The following ODAD2 variants were observed in gnomAD, a reference collection of about 807,000 sequenced individuals.
ODAD2 encodes outer dynein arm docking complex subunit 2, also known as outer dynein arm-docking complex subunit 2.
In ODAD2, 89 loss-of-function variants were observed where a neutral mutation model predicts 106.8. That is an observed-to-expected ratio of 0.83 (90% CI 0.70 to 0.99). The LOEUF (loss-of-function observed/expected upper bound fraction) is 0.99. Ranked by LOEUF, ODAD2 falls within the 50% of genes least tolerant of loss-of-function variation. The pLI, the probability that ODAD2 is intolerant of heterozygous loss-of-function variation, is 0.00. For synonymous variants in ODAD2, 404 were observed against 436.2 expected, an observed-to-expected ratio of 0.93 and a Z score of 0.92; for missense variants, 1,168 against 1,238.5, an observed-to-expected ratio of 0.94 and a Z score of 0.85.
intron 19 of ODAD2, among the ~76,000 whole-genome samples, chr10:27,832,396 C>A (rs1837543737): frequency 6.6e-6 from 1 of 152,066 alleles, no homozygotes; most frequent in African/African-American, 2.4e-5. Context: ...TAGTGCCAAC[C>A]CTAGAAGCAT....
At chr10:27,974,178 C>T (rs190849940) in intron 7 of ODAD2, among the ~76,000 whole-genome samples, 2 of 151,936 alleles carry the variant, frequency 1.3e-5, no homozygotes, top group Non-Finnish European at 2.9e-5. Flanking sequence ...GGATATTAAA[C>T]CTTTGTCAGA....
At chr10:27,843,781 CA>C (rs1446286643) in intron 19 of ODAD2, among the ~76,000 whole-genome samples, 1 of 151,728 alleles carries the variant, frequency 6.6e-6, no homozygotes, top group East Asian at 1.9e-4. Flanking sequence ...AAAAACAAAA[CA>C]AAAAACTTAG....
intron 19 of ODAD2, among the ~76,000 whole-genome samples, chr10:27,812,894 T>C (rs1226374561): frequency 2.0e-5 from 3 of 152,178 alleles, no homozygotes; most frequent in Admixed American, 6.5e-5. Flanking sequence ...TGGGTCTGCT[T>C]CTGAAATTTC....
At chr10:27,907,809 T>C (rs1440246329) in intron 16 of ODAD2, 32 bp from the exon 17 acceptor site, 1 of 1,376,610 alleles carries the variant, frequency 7.3e-7, no homozygotes, top group Non-Finnish European at 1.0e-6. Context: ...TGATATAAAC[T>C]GTCATTAGTA....
intron 10 of ODAD2, among the ~76,000 whole-genome samples, chr10:27,950,530 G>C (rs766131259): frequency 5.9e-5 from 9 of 152,132 alleles, no homozygotes; most frequent in Non-Finnish European, 1.0e-4. Context: ...TGCTAAGAAT[G>C]TTTTATCAGG....
chr10:27,925,194 T>A (rs138135485), intron 16 of ODAD2, among the ~76,000 whole-genome samples: 1 of 152,218 alleles, frequency 6.6e-6, no homozygotes, highest in African/African-American at 2.4e-5. Context: ...TAAGTGAGAC[T>A]TATTCCAGGA....
At chr10:27,959,682 C>T (rs930127976) in intron 10 of ODAD2, among the ~76,000 whole-genome samples, 2 of 152,070 alleles carry the variant, frequency 1.3e-5, no homozygotes, top group Non-Finnish European at 2.9e-5. Context: ...AATCAAAATT[C>T]CTAGGAATTT....
intron 16 of ODAD2, among the ~76,000 whole-genome samples, chr10:27,920,876 T>C (rs560271206): frequency 3.7e-4 from 56 of 151,254 alleles, no homozygotes; most frequent in African/African-American, 1.2e-3. Flanking sequence ...AAAAAAACTA[T>C]GTAAATGCAA....
chr10:27,986,464 A>G (rs1849880337), intron 3 of ODAD2, among the ~76,000 whole-genome samples: 1 of 152,206 alleles, frequency 6.6e-6, no homozygotes, highest in African/African-American at 2.4e-5. Context: ...TCCTTCATCT[A>G]TTAACTACCT....
At chr10:27,946,782 C>A (rs149616301) in intron 10 of ODAD2, among the ~76,000 whole-genome samples, 44 of 152,256 alleles carry the variant, frequency 2.9e-4, no homozygotes, top group African/African-American at 1.1e-3. Context: ...CATATGCAAA[C>A]CCTCTTGTGA....
chr10:27,847,110 GAC>G (rs1244673923), intron 19 of ODAD2, among the ~76,000 whole-genome samples: 1 of 152,004 alleles, frequency 6.6e-6, no homozygotes, highest in Non-Finnish European at 1.5e-5. Context: ...GCCTGGCAGA[GAC>G]ACAGAAAAAA....
chr10:27,879,558 AGTGAGTT>A (rs1841569171), intron 17 of ODAD2, among the ~76,000 whole-genome samples: 1 of 152,096 alleles, frequency 6.6e-6, no homozygotes, highest in Admixed American at 6.6e-5. Flanking sequence ...GCTTCTAAAC[AGTGAGTT>A]GTACGGATTA....
chr10:27,827,389 A>AC lies in ODAD2; in HGVS notation c.3022-14765_3022-14764insG, dbSNP rs1430958795. Among the ~76,000 whole-genome samples the AC allele has an allele frequency of 8.6e-4, 112 of 130,086 alleles. 1 individual carries two copies. The highest frequency in any genetic ancestry group is 4.2e-3 in the East Asian group (13 of 3,094). The allele number at this position is 130,086 out of a possible 152,430, so 85.3% of individuals were successfully genotyped here. A position where few individuals can be genotyped will look rare whatever the true frequency, so the allele number is the denominator to read the frequency against. On this transcript the variant is annotated intron_variant, in intron 19 of 19. Coordinates refer to ENST00000305242, the MANE Select transcript of ODAD2 (RefSeq NM_018076.5). Reference sequence around the variant, plus strand: ...ATACACACACACACACTATATATATATATATATATATATATATATATATTC... The same window carrying AC: ...ATACACACACACACACTATATATATACTATATATATATATATATATATATTC...
chr10:27,819,530 G>A (rs141589813), intron 19 of ODAD2, among the ~76,000 whole-genome samples: 1 of 128,464 alleles, frequency 7.8e-6, no homozygotes, highest in Admixed American at 9.1e-5. Flanking sequence ...CTTGAAGCCA[G>A]AAGTTCAAGA....
intron 17 of ODAD2, among the ~76,000 whole-genome samples, chr10:27,877,077 A>G (rs1163692641): frequency 1.3e-5 from 2 of 152,170 alleles, no homozygotes; most frequent in East Asian, 1.9e-4. Flanking sequence ...GAAAAAAAAA[A>G]GGCAGTTTTA....
chr10:27,959,264 G>T (rs1240866653), intron 10 of ODAD2, among the ~76,000 whole-genome samples: 1 of 149,438 alleles, frequency 6.7e-6, no homozygotes, highest in Non-Finnish European at 1.5e-5. Flanking sequence ...AGGAAAGAAA[G>T]AAAGGAAAGG....
intron 6 of ODAD2, among the ~76,000 whole-genome samples, chr10:27,982,473 C>T (rs1289735234): frequency 1.3e-5 from 2 of 152,082 alleles, no homozygotes; most frequent in African/African-American, 4.8e-5. Context: ...TTCTTTTGTC[C>T]CTTTATTCCT....
chr10:27,871,868 A>G (rs1287101997), intron 17 of ODAD2, among the ~76,000 whole-genome samples: 2 of 152,138 alleles, frequency 1.3e-5, no homozygotes, highest in Admixed American at 1.3e-4. Context: ...TGAACTTTAC[A>G]GTAGTTTTTT....
At chr10:27,936,546 G>A (rs1025211518) in intron 15 of ODAD2, among the ~76,000 whole-genome samples, 180 bp downstream of exon 15, 1 of 152,190 alleles carries the variant, frequency 6.6e-6, no homozygotes, top group Non-Finnish European at 1.5e-5. Flanking sequence ...TTGCCAGGTG[G>A]TGGGCAATTT....
Sources: allele counts gnomAD v4.1 joint callset (sites outside exome capture counted in the v4.1 genomes callset), GRCh38; gene constraint gnomAD v4.1.1; transcripts MANE v1.5; gene names NCBI Gene and HGNC (gene_info 2026-07-23, HGNC 2026-07-21).